The following PCDH9 variants were observed in gnomAD, a reference collection of about 807,000 sequenced individuals.
The protein encoded by PCDH9 is protocadherin-9.
PCDH9 carries 24 observed loss-of-function variants against 70.6 expected under a neutral mutation model. That is an observed-to-expected ratio of 0.34 (90% CI 0.25 to 0.48). The LOEUF (loss-of-function observed/expected upper bound fraction) is 0.48, where lower values mean the gene tolerates loss of function less well. PCDH9 is among the 20% of genes least tolerant of loss of function. PCDH9 has a pLI of 0.99. For missense variants in PCDH9, 1,281 were observed against 1,503.6 expected (o/e 0.85, Z 2.45); for synonymous variants, 562 against 558.5 (o/e 1.01, Z -0.09).
chr13:66,348,876 C>T (rs1020541284), intron 4 of PCDH9, among the ~76,000 whole-genome samples: 5 of 152,116 alleles, frequency 3.3e-5, no homozygotes, highest in African/African-American at 1.2e-4. Context: ...TGTTCTTCCT[C>T]TGTATAATAC....
At chr13:66,502,848 C>T (rs1190370325) in intron 4 of PCDH9, among the ~76,000 whole-genome samples, 4 of 152,054 alleles carry the variant, frequency 2.6e-5, no homozygotes, top group Non-Finnish European at 5.9e-5. Flanking sequence ...GTTCTTATGG[C>T]TTGTTGAATG....
intron 2 of PCDH9, among the ~76,000 whole-genome samples, chr13:66,934,942 G>A (rs1008935374): frequency 2.7e-5 from 4 of 150,886 alleles, no homozygotes; most frequent in Non-Finnish European, 5.9e-5. Context: ...GGATGGTCTC[G>A]ATCTCCTGAC....
chr13:66,508,863 G>C (rs1290997115), intron 4 of PCDH9, among the ~76,000 whole-genome samples: 1 of 152,154 alleles, frequency 6.6e-6, no homozygotes, highest in South Asian at 2.1e-4. Flanking sequence ...GGAGGTAGTA[G>C]AGTATAATTG....
intron 2 of PCDH9, among the ~76,000 whole-genome samples, chr13:67,127,013 C>T (rs770937075): frequency 2.6e-5 from 4 of 152,116 alleles, no homozygotes; most frequent in Non-Finnish European, 5.9e-5. Context: ...GTCAATTGAT[C>T]TTTACTATGT....
At chr13:66,440,668 A>G (rs960921622) in intron 4 of PCDH9, among the ~76,000 whole-genome samples, 1 of 152,138 alleles carries the variant, frequency 6.6e-6, no homozygotes, top group East Asian at 1.9e-4. Flanking sequence ...TGGGACTCAG[A>G]CAGGGTCTTC....
chr13:66,782,477 ACT>A (rs1411223102), intron 3 of PCDH9, among the ~76,000 whole-genome samples: 1 of 152,136 alleles, frequency 6.6e-6, no homozygotes, highest in African/African-American at 2.4e-5. Flanking sequence ...TTGAAATCTG[ACT>A]AGTCTAAACT....
chr13:66,615,224 T>G (rs986188089), intron 4 of PCDH9, among the ~76,000 whole-genome samples: 3 of 152,238 alleles, frequency 2.0e-5, no homozygotes, highest in Non-Finnish European at 4.4e-5. Flanking sequence ...CCTAACTACA[T>G]GGGGAGGAAA....
intron 2 of PCDH9, among the ~76,000 whole-genome samples, chr13:67,134,965 A>C (rs892744331): frequency 1.3e-5 from 2 of 152,106 alleles, no homozygotes; most frequent in African/African-American, 2.4e-5. Flanking sequence ...GTACCAATGA[A>C]AAGTGAAAAG....
rs1302961210 is a variant in PCDH9, at chr13:66,843,570, C to T, written c.3138+59934G>A. ...TCACCTTCAGTCTCTGAATCTGAGGCCAAGGACAAGCAAGGCCCATTAGAA... is the reference window on the plus strand; with the variant it reads ...TCACCTTCAGTCTCTGAATCTGAGGTCAAGGACAAGCAAGGCCCATTAGAA... On this transcript the variant is annotated intron_variant, in intron 3 of 4. Coordinates refer to ENST00000377865, the MANE Select transcript of PCDH9 (RefSeq NM_203487.3). 2.6e-5 allele frequency among the ~76,000 whole-genome samples: 4 copies of T among 152,188 alleles called. No individual in the cohort carries two copies. In the East Asian group the frequency reaches 7.7e-4, roughly 29 times the overall value.
intron 2 of PCDH9, among the ~76,000 whole-genome samples, chr13:66,946,110 A>T (rs2083083562): frequency 2.6e-5 from 4 of 151,996 alleles, no homozygotes. Flanking sequence ...ATTTTTATTG[A>T]CTATATATAT....
intron 4 of PCDH9, among the ~76,000 whole-genome samples, chr13:66,406,489 A>C (rs1379504930): frequency 6.6e-6 from 1 of 152,200 alleles, no homozygotes; most frequent in Non-Finnish European, 1.5e-5. Context: ...GGTTTGACTT[A>C]GGCTCCTTAC....
At chr13:66,357,840 C>A (rs531457197) in intron 4 of PCDH9, among the ~76,000 whole-genome samples, 2 of 152,022 alleles carry the variant, frequency 1.3e-5, no homozygotes, top group Non-Finnish European at 1.5e-5. Context: ...GAACGCAGAG[C>A]TTTATTTGGG....
chr13:66,403,852 C>G (rs992895273), intron 4 of PCDH9, among the ~76,000 whole-genome samples: 19 of 152,132 alleles, frequency 1.2e-4, no homozygotes, highest in African/African-American at 4.1e-4. Flanking sequence ...AGTCCCCAGC[C>G]CTTACTTTGA....
chr13:67,090,747 T>A (rs1291593100), intron 2 of PCDH9, among the ~76,000 whole-genome samples: 1 of 152,018 alleles, frequency 6.6e-6, no homozygotes, highest in African/African-American at 2.4e-5. Flanking sequence ...GAGGGTATAT[T>A]ACAACACGAA....
chr13:66,803,322 A>C (rs1365328752), intron 3 of PCDH9, among the ~76,000 whole-genome samples: 1 of 152,200 alleles, frequency 6.6e-6, no homozygotes, highest in African/African-American at 2.4e-5. Flanking sequence ...ATTGCTACTG[A>C]GACAGCCAGT....
intron 2 of PCDH9, among the ~76,000 whole-genome samples, chr13:67,037,626 T>C (rs2085036080): frequency 6.6e-6 from 1 of 152,180 alleles, no homozygotes; most frequent in South Asian, 2.1e-4. Context: ...GCTATTCTTG[T>C]TACATTGTGA....
intron 2 of PCDH9, among the ~76,000 whole-genome samples, chr13:66,944,671 A>G (rs1489167340): frequency 6.6e-6 from 1 of 152,070 alleles, no homozygotes; most frequent in East Asian, 1.9e-4. Flanking sequence ...CATGCTCTAT[A>G]TTTAGTGGAT....
intron 3 of PCDH9, among the ~76,000 whole-genome samples, chr13:66,894,565 AC>A (rs1422495308): frequency 6.6e-6 from 1 of 152,132 alleles, no homozygotes; most frequent in Non-Finnish European, 1.5e-5. Context: ...CAATGATAAG[AC>A]TAACTATAAC....
chr13:66,623,147 C>T (rs1258750343), intron 4 of PCDH9, among the ~76,000 whole-genome samples: 1 of 152,232 alleles, frequency 6.6e-6, no homozygotes, highest in Non-Finnish European at 1.5e-5. Flanking sequence ...CGAGGGTCCG[C>T]GGCTTCATTC....
Sources: gnomAD v4.1 joint callset for allele counts (sites outside exome capture counted in the v4.1 genomes callset) on GRCh38, gnomAD v4.1.1 for gene constraint, MANE v1.5 for transcripts, NCBI Gene and HGNC (gene_info 2026-07-23, HGNC 2026-07-21) for gene names.